Variants in TNS3 observed in about 807,000 individuals in gnomAD.
TNS3 encodes the protein tensin 3.
A neutral mutation model predicts 140.9 loss-of-function variants in TNS3; 45 were observed. The observed-to-expected ratio is 0.32, with a 90% CI of 0.25 to 0.41. TNS3 has a LOEUF of 0.41. TNS3 is among the 10% of genes least tolerant of loss of function. The pLI is 1.00. For synonymous variants in TNS3, 815 were observed against 788.4 expected (o/e 1.03, Z -0.56); for missense variants, 1,716 against 1,906.7 (o/e 0.90, Z 1.86).
chr7:47,404,713 C>T (rs557044094), intron 13 of TNS3, among the ~76,000 whole-genome samples: 8 of 151,966 alleles, frequency 5.3e-5, no homozygotes, highest in Non-Finnish European at 7.4e-5. Flanking sequence ...GGTGAAACCC[C>T]GTCTTTACTA....
intron 3 of TNS3, among the ~76,000 whole-genome samples, chr7:47,490,091 A>C (rs1324969410): frequency 6.6e-6 from 1 of 152,274 alleles, no homozygotes; most frequent in Non-Finnish European, 1.5e-5. Context: ...CAGAAAGATT[A>C]AAAGGTAGTA....
chr7:47,349,395 C>A (rs1394602682), intron 17 of TNS3, among the ~76,000 whole-genome samples: 2 of 152,252 alleles, frequency 1.3e-5, no homozygotes, highest in African/African-American at 4.8e-5. Context: ...TTCTCAGTAT[C>A]CTGCCACTGG....
intron 20 of TNS3, among the ~76,000 whole-genome samples, chr7:47,308,008 A>G (rs1248231526): frequency 6.6e-6 from 1 of 152,242 alleles, no homozygotes; most frequent in Non-Finnish European, 1.5e-5. Flanking sequence ...TATCTAAAAT[A>G]GTATCTGCCT....
At chr7:47,318,944 T>G (rs906148066) in intron 20 of TNS3, among the ~76,000 whole-genome samples, 2 of 152,208 alleles carry the variant, frequency 1.3e-5, no homozygotes, top group African/African-American at 4.8e-5. Flanking sequence ...TTTTCTGTTT[T>G]CAGGCAGAAT....
At chr7:47,354,033 A>ACACACACAC (rs1562627672) in intron 17 of TNS3, among the ~76,000 whole-genome samples, 1 of 146,982 alleles carries the variant, frequency 6.8e-6, no homozygotes. Context: ...ACACACACAC[A>ACACACACAC]AATTCCAAGG....
chr7:47,524,808 C>CAAAA (rs1354544006), intron 2 of TNS3, among the ~76,000 whole-genome samples: 688 of 25,256 alleles, frequency 0.027, 175 homozygotes, highest in Non-Finnish European at 0.029. Context: ...GACTCCGTCT[C>CAAAA]AAGAAAAAAA....
chr7:47,568,024 G>C (rs1352159733), intron 1 of TNS3, among the ~76,000 whole-genome samples: 1 of 152,168 alleles, frequency 6.6e-6, no homozygotes, highest in Non-Finnish European at 1.5e-5. Context: ...CCTCCACTTT[G>C]CTGTCTGTAC....
At chr7:47,383,335 G>A (rs537020405) in intron 16 of TNS3, among the ~76,000 whole-genome samples, 2 of 152,254 alleles carry the variant, frequency 1.3e-5, no homozygotes, top group East Asian at 3.9e-4. Flanking sequence ...TGAGATGTCC[G>A]GAATGGGAAA....
intron 12 of TNS3, among the ~76,000 whole-genome samples, chr7:47,412,772 T>C (rs539484765): frequency 6.6e-6 from 1 of 152,032 alleles, no homozygotes; most frequent in East Asian, 1.9e-4. Flanking sequence ...TTGTGGGAAA[T>C]AAATAAAAAA....
At chr7:47,422,391 A>G (rs75391316) in intron 10 of TNS3, among the ~76,000 whole-genome samples, 2,577 of 152,246 alleles carry the variant, frequency 0.017, 66 homozygotes, top group African/African-American at 0.059. Flanking sequence ...CAGCAGAAGG[A>G]TTATTCAAGC....
chr7:47,564,982 A>C (rs1341586760), intron 1 of TNS3, among the ~76,000 whole-genome samples: 4 of 152,144 alleles, frequency 2.6e-5, no homozygotes, highest in African/African-American at 4.8e-5. Flanking sequence ...CACACAAAAG[A>C]AGCTCAGTCT....
At chr7:47,363,498 A>C (rs1224083847) in intron 17 of TNS3, among the ~76,000 whole-genome samples, 1 of 152,248 alleles carries the variant, frequency 6.6e-6, no homozygotes, top group Non-Finnish European at 1.5e-5. Context: ...ACTCTCTACC[A>C]CAAGTGGTGG....
chr7:47,336,459 A>G (rs1285899667), intron 20 of TNS3, among the ~76,000 whole-genome samples: 1 of 152,216 alleles, frequency 6.6e-6, no homozygotes, highest in Non-Finnish European at 1.5e-5. Context: ...TATTTGGAAA[A>G]GACTCCTTTA....
At chr7:47,524,562 G>T (rs1799108520) in intron 2 of TNS3, among the ~76,000 whole-genome samples, 1 of 151,802 alleles carries the variant, frequency 6.6e-6, no homozygotes, top group Non-Finnish European at 1.5e-5. Context: ...CAGCACTTTG[G>T]GAGGCCGAGG....
intron 13 of TNS3, among the ~76,000 whole-genome samples, chr7:47,408,144 C>G (rs1793548466): frequency 6.6e-6 from 1 of 152,080 alleles, no homozygotes; most frequent in African/African-American, 2.4e-5. Flanking sequence ...CCCAGGGTGG[C>G]CTGGAGGCCA....
At chr7:47,514,380 C>T (rs913798358) in intron 2 of TNS3, among the ~76,000 whole-genome samples, 1 of 152,240 alleles carries the variant, frequency 6.6e-6, no homozygotes, top group Admixed American at 6.5e-5. Flanking sequence ...AAACCTTTAT[C>T]TGTAATCACT....
chr7:47,276,905 T>C lies in TNS3; in HGVS notation c.*1171A>G, dbSNP rs1784892603. ...GAGCAGCACAAAGAGGGCTGATAAA[T>C]GCAGGCGAACTTCAGGTCGTGCAGC... On this transcript the variant is annotated 3_prime_UTR_variant, in exon 31 of 31. Transcript: ENST00000311160. The C allele has an allele frequency of 6.6e-6, 1 of 152,162 alleles. No homozygotes were observed. The highest frequency in any genetic ancestry group is 2.4e-5 in the African/African-American group (1 of 41,426). The allele number at this position is 152,162 out of a possible 1,614,324, so 9.4% of individuals were successfully genotyped here. A position where few individuals can be genotyped will look rare whatever the true frequency, so the allele number is the denominator to read the frequency against.
At chr7:47,390,433 G>A (rs894612427) in intron 16 of TNS3, among the ~76,000 whole-genome samples, 9 of 152,176 alleles carry the variant, frequency 5.9e-5, no homozygotes, top group Non-Finnish European at 7.3e-5. Context: ...CTCTGAGAAC[G>A]CGGTATGGCC....
At chr7:47,349,934 G>C (rs1789566229) in intron 17 of TNS3, among the ~76,000 whole-genome samples, 1 of 152,200 alleles carries the variant, frequency 6.6e-6, no homozygotes, top group South Asian at 2.1e-4. Context: ...GGCCTGCTAC[G>C]TCTTTTTTGC....
Sources: allele counts gnomAD v4.1 joint callset (sites outside exome capture counted in the v4.1 genomes callset), GRCh38; gene constraint gnomAD v4.1.1; transcripts MANE v1.5; gene names NCBI Gene and HGNC (gene_info 2026-07-23, HGNC 2026-07-21).